DIS3L2: variants seen among roughly 807,000 people sequenced by gnomAD.
DIS3L2 encodes DIS3-like exonuclease 2.
DIS3L2 carries 34 observed loss-of-function variants against 97.5 expected under a neutral mutation model. That is an observed-to-expected ratio of 0.35 (90% CI 0.27 to 0.46). The LOEUF is 0.46. DIS3L2 is among the 20% of genes least tolerant of loss of function. DIS3L2 has a pLI of 1.00. For missense variants in DIS3L2, 1,038 were observed against 1,146.0 expected (o/e 0.91, Z 1.36); for synonymous variants, 435 against 445.2 (o/e 0.98, Z 0.29).
intron 8 of DIS3L2, among the ~76,000 whole-genome samples, chr2:232,160,782 G>C (rs1690625106): frequency 6.6e-6 from 1 of 152,092 alleles, no homozygotes. Context: ...CTTGAGCCTG[G>C]GAAGTCGAGG....
At chr2:232,181,859 C>T (rs1691286085) in intron 9 of DIS3L2, among the ~76,000 whole-genome samples, 1 of 152,058 alleles carries the variant, frequency 6.6e-6, no homozygotes, top group African/African-American at 2.4e-5. Context: ...ACCATGTTGG[C>T]CAGGTTGGTC....
rs953279794 is a variant in DIS3L2 at position 232,024,176 on chromosome 2, T to C, written c.211-101T>C. 9 of 777,592 alleles carry C rather than the reference T, an allele frequency of 1.2e-5. No individual in the cohort carries two copies. In the African/African-American group the frequency reaches 1.6e-4, roughly 14 times the overall value. 48.2% of individuals were successfully genotyped at this position (777,592 alleles called of 1,614,324 possible). ...TATACATCTAACTTGTTTTCTCAAG[T>C]GACCTGTTTAATTTTAAAACTTTTT... On this transcript the variant is annotated intron_variant, in intron 3 of 20. Coordinates refer to ENST00000325385, the MANE Select transcript of DIS3L2 (RefSeq NM_152383.5).
At chr2:232,284,928 G>C (rs1328088507) in intron 13 of DIS3L2, among the ~76,000 whole-genome samples, 1 of 152,148 alleles carries the variant, frequency 6.6e-6, no homozygotes, top group Non-Finnish European at 1.5e-5. Context: ...CTTGCCCACA[G>C]AACTGTGAAA....
intron 1 of DIS3L2, among the ~76,000 whole-genome samples, chr2:232,000,822 C>T (rs2106202960): frequency 6.7e-6 from 1 of 149,532 alleles, no homozygotes; most frequent in Admixed American, 6.7e-5. Flanking sequence ...CTACCTTGGC[C>T]TCCCAAAGTG....
intron 9 of DIS3L2, among the ~76,000 whole-genome samples, chr2:232,190,734 C>T (rs550818339): frequency 2.0e-5 from 3 of 151,920 alleles, no homozygotes; most frequent in Non-Finnish European, 4.4e-5. Flanking sequence ...TTACAGGCAC[C>T]AAAGTGAATG....
intron 1 of DIS3L2, among the ~76,000 whole-genome samples, chr2:231,962,403 C>A (rs1170874462): frequency 6.6e-6 from 1 of 151,770 alleles, no homozygotes; most frequent in East Asian, 1.9e-4. Context: ...CCATCTCTCC[C>A]CTCCTTCCAG....
intron 4 of DIS3L2, among the ~76,000 whole-genome samples, chr2:232,027,861 A>G (rs1009251916): frequency 2.6e-5 from 4 of 152,232 alleles, no homozygotes; most frequent in Admixed American, 2.0e-4. Context: ...ACTTTCAAGC[A>G]AACCAAGATA....
rs1207064184 is a variant in DIS3L2 at position 232,037,776 on chromosome 2, T to G, written c.366+7696T>G. 6.6e-6 allele frequency among the ~76,000 whole-genome samples: 1 copy of G among 152,190 alleles called. No homozygotes were observed. Among genetic ancestry groups the G allele is most frequent in the Non-Finnish European group, 1.5e-5 (1 of 68,024 alleles). On this transcript the variant is annotated intron_variant, in intron 5 of 20. Coordinates refer to ENST00000325385, the MANE Select transcript of DIS3L2 (RefSeq NM_152383.5). The surrounding 1 kb of genome is among the most constrained non-coding windows in gnomAD (Gnocchi z 4.6). ...CAGCACAGTCCCTCATGGCTTCCCTTGGCTAGGGGTGGGAGTTCCCTGACT... is the reference window on the plus strand; with the variant it reads ...CAGCACAGTCCCTCATGGCTTCCCTGGGCTAGGGGTGGGAGTTCCCTGACT...
At position 232,333,893 on chromosome 2, in the gene DIS3L2, C is replaced by T. The variant is rs1343991695; in HGVS notation, c.2064C>T (p.His688=). ...TGCAGGACCCAGCGCAGTTCCGGCA[C>T]TACGCGCTCAATGTGCCCCTGTACA... The part of the protein sequence containing the change: ...GLLQDPAQFR[H]YALNVPLYTH... Residue 688 remains histidine (H), a synonymous_variant, in exon 17 of 21, where the codon CAC becomes CAT. Transcript: ENST00000325385. 1.2e-6 allele frequency: 2 copies of T among 1,612,926 alleles called. No homozygotes were observed. Among genetic ancestry groups the T allele is most frequent in the Non-Finnish European group, 1.7e-6 (2 of 1,179,930 alleles).
chr2:232,042,966 C>G (rs1559566430), intron 5 of DIS3L2, among the ~76,000 whole-genome samples: 1 of 152,312 alleles, frequency 6.6e-6, no homozygotes, highest in East Asian at 1.9e-4. Flanking sequence ...ATGGTTCAGC[C>G]ACAACACATG....
intron 9 of DIS3L2, among the ~76,000 whole-genome samples, chr2:232,172,131 G>A (rs1412244826): frequency 6.7e-6 from 1 of 148,654 alleles, no homozygotes; most frequent in Non-Finnish European, 1.5e-5. Context: ...AAATGTCAGG[G>A]TGGCAAAGTC....
chr2:232,009,565 T>C (rs1694140481), intron 1 of DIS3L2, among the ~76,000 whole-genome samples: 1 of 152,240 alleles, frequency 6.6e-6, no homozygotes, highest in African/African-American at 2.4e-5. Flanking sequence ...TTTAAATTCC[T>C]TGAAACAACG....
chr2:232,332,364 G>A lies in DIS3L2; in HGVS notation c.2011-1476G>A, dbSNP rs554006081. Among the ~76,000 whole-genome samples the A allele has an allele frequency of 3.3e-5, 5 of 152,300 alleles. No individual in the cohort carries two copies. The South Asian group carries it at 6.2e-4, about 19-fold the overall frequency. On this transcript the variant is annotated intron_variant, in intron 16 of 20. Transcript: ENST00000325385. ...AGCTGCGCCCTGGATTCCAGGGCCC[G>A]TGTGCACAGAGTAACGGGAGCCGGC...
intron 6 of DIS3L2, among the ~76,000 whole-genome samples, chr2:232,124,395 TA>T (rs1697995643): frequency 6.6e-6 from 1 of 152,130 alleles, no homozygotes; most frequent in African/African-American, 2.4e-5. Context: ...TTAATGAAAT[TA>T]AAAACTTGTG....
chr2:232,312,749 T>C (rs2106332030), intron 14 of DIS3L2, among the ~76,000 whole-genome samples: 1 of 152,356 alleles, frequency 6.6e-6, no homozygotes, highest in Non-Finnish European at 1.5e-5. Flanking sequence ...TCCCTCTATT[T>C]AGAGCTTCTT....
At chr2:231,976,488 A>G (rs1693097439) in intron 1 of DIS3L2, among the ~76,000 whole-genome samples, 1 of 151,776 alleles carries the variant, frequency 6.6e-6, no homozygotes, top group South Asian at 2.1e-4. Flanking sequence ...TTAGCTGGGT[A>G]TATGGTGGTG....
chr2:232,136,954 C>T (rs1249947563), intron 8 of DIS3L2, among the ~76,000 whole-genome samples: 3 of 152,094 alleles, frequency 2.0e-5, no homozygotes. Context: ...TGGCGTAAAA[C>T]ATGAACATTC....
chr2:232,019,936 G>A (rs968802295), intron 3 of DIS3L2, among the ~76,000 whole-genome samples: 1 of 151,988 alleles, frequency 6.6e-6, no homozygotes, highest in Admixed American at 6.6e-5. Flanking sequence ...AGGGTCGTTA[G>A]GGAAAGCCTC....
chr2:232,259,077 C>T (rs1332844344), intron 12 of DIS3L2, among the ~76,000 whole-genome samples: 2 of 152,150 alleles, frequency 1.3e-5, no homozygotes, highest in Non-Finnish European at 2.9e-5. Context: ...CCTGATGGCT[C>T]TTCAAGCTTC....
Sources: allele counts gnomAD v4.1 joint callset (sites outside exome capture counted in the v4.1 genomes callset), GRCh38; gene constraint gnomAD v4.1.1; non-coding constraint Gnocchi (gnomAD v3.1); transcripts MANE v1.5; gene names NCBI Gene and HGNC (gene_info 2026-07-23, HGNC 2026-07-21).